The following PPFIA2 variants were observed in gnomAD, a reference collection of about 807,000 sequenced individuals.
PPFIA2 encodes PPFI scaffold protein A2.
A neutral mutation model predicts 175.5 loss-of-function variants in PPFIA2; 46 were observed. That is an observed-to-expected ratio of 0.26 (90% CI 0.21 to 0.34). PPFIA2 has a LOEUF of 0.34. PPFIA2 is among the 10% of genes least tolerant of loss of function. The pLI is 1.00. For synonymous variants in PPFIA2, 568 were observed against 511.4 expected (o/e 1.11, Z -1.49); for missense variants, 1,179 against 1,506.1 (o/e 0.78, Z 3.60).
chr12:81,603,645 A>T (rs114036857), intron 4 of PPFIA2, among the ~76,000 whole-genome samples: 1 of 151,692 alleles, frequency 6.6e-6, no homozygotes, highest in Non-Finnish European at 1.5e-5. Context: ...CATTACCTGA[A>T]AATCTAGAAA....
At chr12:81,553,264 C>G (rs1313613925) in intron 4 of PPFIA2, among the ~76,000 whole-genome samples, 2 of 151,848 alleles carry the variant, frequency 1.3e-5, no homozygotes, top group Non-Finnish European at 2.9e-5. Context: ...GAAAAAAAAC[C>G]AAGAAGCATT....
intron 4 of PPFIA2, among the ~76,000 whole-genome samples, chr12:81,549,895 T>A (rs776565906): frequency 4.6e-5 from 7 of 151,982 alleles, no homozygotes; most frequent in Non-Finnish European, 7.4e-5. Flanking sequence ...GCTATTTTTT[T>A]AATCTCTATT....
intron 7 of PPFIA2, among the ~76,000 whole-genome samples, chr12:81,437,155 C>T (rs1049842534): frequency 1.3e-5 from 2 of 152,192 alleles, no homozygotes; most frequent in Non-Finnish European, 2.9e-5. Flanking sequence ...CTTTCCTCCA[C>T]TTTTGTTCTC....
chr12:81,695,447 G>T (rs1288499831), intron 3 of PPFIA2, among the ~76,000 whole-genome samples: 1 of 152,090 alleles, frequency 6.6e-6, no homozygotes, highest in Non-Finnish European at 1.5e-5. Context: ...TTTGCCATGT[G>T]ATATGCCTGT....
intron 4 of PPFIA2, among the ~76,000 whole-genome samples, chr12:81,574,289 T>G (rs2073102455): frequency 6.6e-6 from 1 of 151,890 alleles, no homozygotes; most frequent in South Asian, 2.1e-4. Flanking sequence ...TGGATAAGAT[T>G]CTATTTAATA....
intron 19 of PPFIA2, 72 bp from the exon 20 acceptor site, chr12:81,341,280 C>A: frequency 6.8e-7 from 1 of 1,473,842 alleles, no homozygotes; most frequent in South Asian, 1.3e-5. Context: ...AATGGAGAAT[C>A]ATGAGAACAA....
chr12:81,659,415 C>T (rs2068390241), intron 4 of PPFIA2, among the ~76,000 whole-genome samples: 1 of 152,216 alleles, frequency 6.6e-6, no homozygotes, highest in Admixed American at 6.5e-5. Context: ...ATATCCTTCA[C>T]CTGGCTCGAA....
intron 4 of PPFIA2, among the ~76,000 whole-genome samples, chr12:81,625,540 T>C (rs542748680): frequency 2.6e-5 from 4 of 151,886 alleles, no homozygotes; most frequent in African/African-American, 9.7e-5. Context: ...CTGGCTCTGA[T>C]ACATTGTGTA....
In PPFIA2 at chr12:81,267,005, C is replaced by T; in HGVS notation, c.3502G>A (p.Glu1168Lys). 6.2e-7 allele frequency: 1 copy of T among 1,612,800 alleles called. No individual in the cohort carries two copies. Among genetic ancestry groups the T allele is most frequent in the Non-Finnish European group, 8.5e-7 (1 of 1,179,170 alleles). The change falls in exon 30 of 33, where the codon GAA (glutamate) becomes AAA (lysine). Residue 1168 changes from glutamate to lysine, a missense_variant. By Grantham distance (56) the Glu-to-Lys change is moderately conservative (BLOSUM62 1). Coordinates refer to ENST00000549396, the MANE Select transcript of PPFIA2 (RefSeq NM_003625.5). Reference protein sequence around the residue: ...TQNTQARQILEREYNNLLALG... With the variant: ...TQNTQARQILKREYNNLLALG... Reference sequence around the variant, plus strand: ...GCCAAGAGGTTATTGTATTCTCTTTCAAGAATCTGCCTTGCCTGTTGACGT... The same window carrying T: ...GCCAAGAGGTTATTGTATTCTCTTTTAAGAATCTGCCTTGCCTGTTGACGT...
intron 4 of PPFIA2, among the ~76,000 whole-genome samples, chr12:81,463,766 C>T (rs953568395): frequency 6.6e-6 from 1 of 152,070 alleles, no homozygotes; most frequent in Admixed American, 6.6e-5. Context: ...CTACTTTTCT[C>T]TGAAATTAAT....
chr12:81,457,990 T>G lies in PPFIA2; in HGVS notation c.304-124A>C, dbSNP rs1169667371. 8.0e-6 allele frequency: 5 copies of G among 624,294 alleles called. No individual in the cohort carries two copies. In the South Asian group the frequency reaches 8.3e-5, roughly 10 times the overall value. 38.7% of individuals were successfully genotyped at this position (624,294 alleles called of 1,614,324 possible). A position where few individuals can be genotyped will look rare whatever the true frequency, so the allele number is the denominator to read the frequency against. On this transcript the variant is annotated intron_variant, in intron 4 of 32. Coordinates refer to ENST00000549396, the MANE Select transcript of PPFIA2 (RefSeq NM_003625.5). ...GACCCCACTGACTGGTCAACATATG[T>G]TGCTGTTATGAAGTATCTTAAATAC... is the stretch of plus-strand genomic sequence containing the variant.
At chr12:81,427,991 T>C (rs1383020808) in intron 7 of PPFIA2, among the ~76,000 whole-genome samples, 1 of 152,018 alleles carries the variant, frequency 6.6e-6, no homozygotes, top group Admixed American at 6.6e-5. Context: ...TCTTTAACTT[T>C]TTATCTTGCC....
At chr12:81,421,563 CA>C (rs1192486008) in intron 7 of PPFIA2, among the ~76,000 whole-genome samples, 28 of 151,362 alleles carry the variant, frequency 1.8e-4, no homozygotes, top group African/African-American at 6.5e-4. Flanking sequence ...GAAAAAAAAT[CA>C]AAGCAAATAA....
At chr12:81,558,901 A>AT (rs1176939824) in intron 4 of PPFIA2, among the ~76,000 whole-genome samples, 2 of 152,192 alleles carry the variant, frequency 1.3e-5, no homozygotes, top group Non-Finnish European at 2.9e-5. Context: ...TGTATTGTGT[A>AT]TTCAAAAGGC....
At chr12:81,271,949 TTTTG>T (rs1453746161) in intron 28 of PPFIA2, among the ~76,000 whole-genome samples, 2 of 152,288 alleles carry the variant, frequency 1.3e-5, no homozygotes, top group East Asian at 3.9e-4. Flanking sequence ...GTCTCTCAGA[TTTTG>T]TTTGTCTGAA....
intron 4 of PPFIA2, among the ~76,000 whole-genome samples, chr12:81,569,610 G>A (rs2072082647): frequency 6.6e-6 from 1 of 152,078 alleles, no homozygotes; most frequent in South Asian, 2.1e-4. Context: ...GGAATATTGT[G>A]TCCTATATTT....
chr12:81,384,201 T>G lies in PPFIA2; in HGVS notation c.806A>C (p.Gln269Pro), dbSNP rs765681797. ...AAGCAATTCTTGTAGTTCAACTATT[T>G]GACTAGTTTCATCGGTTGAGTCTAT... ...GSIDSTDETS[Q>P]IVELQELLEK... Residue 269 changes from glutamine to proline, a missense_variant, in exon 9 of 33, where the codon CAA (glutamine) becomes CCA (proline). Gln to Pro is a moderately conservative substitution (Grantham distance 76, BLOSUM62 -1). Around this residue, in one of 10 missense-constraint regions of PPFIA2, gnomAD observed 226 missense variants for 216.6 expected, o/e 1.04. Coordinates refer to ENST00000549396, the MANE Select transcript of PPFIA2 (RefSeq NM_003625.5). 14 of 1,606,518 alleles carry G rather than the reference T, an allele frequency of 8.7e-6. No homozygotes were observed. Among genetic ancestry groups the G allele is most frequent in the Non-Finnish European group, 1.1e-5 (13 of 1,175,458 alleles).
At chr12:81,612,199 G>A (rs939578602) in intron 4 of PPFIA2, among the ~76,000 whole-genome samples, 4 of 151,682 alleles carry the variant, frequency 2.6e-5, no homozygotes, top group Admixed American at 2.6e-4. Context: ...TCCTACTTCT[G>A]GGCCTTCTAC....
At chr12:81,431,517 C>T (rs1179099238) in intron 7 of PPFIA2, 2 of 152,120 alleles carry the variant, frequency 1.3e-5, no homozygotes, top group African/African-American at 4.8e-5. Flanking sequence ...AATTACAACA[C>T]ATTTTCATTA....
Sources: gnomAD v4.1 joint callset for allele counts (sites outside exome capture counted in the v4.1 genomes callset) on GRCh38, gnomAD v4.1.1 for gene constraint, gnomAD v4.1.1 regional missense constraint, MANE v1.5 for transcripts, NCBI Gene and HGNC (gene_info 2026-07-23, HGNC 2026-07-21) for gene names.